NCALD: variants seen among roughly 807,000 people sequenced by gnomAD.
NCALD encodes the protein neurocalcin delta, also known as neurocalcin-delta.
In NCALD, 10 loss-of-function variants were observed where a neutral mutation model predicts 18.6. The observed-to-expected ratio is 0.54, with a 90% CI of 0.33 to 0.91. NCALD has a LOEUF of 0.91. Among genes scored for constraint, NCALD ranks in the 40% least tolerant of loss-of-function variants. The pLI, the probability that NCALD is intolerant of heterozygous loss-of-function variation, is 0.03. For synonymous variants in NCALD, 88 were observed against 87.4 expected (o/e 1.01, Z -0.04); for missense variants, 184 against 247.6 (o/e 0.74, Z 1.72).
rs189025957 is a variant in NCALD at position 101,987,395 on chromosome 8, G to T, written c.-157+32842C>A. 2.0e-5 allele frequency among the ~76,000 whole-genome samples: 3 copies of T among 152,248 alleles called. No individual in the cohort carries two copies. The East Asian group carries it at 5.8e-4, about 29-fold the overall frequency. On this transcript the variant is annotated intron_variant, in intron 2 of 6. Coordinates refer to the NCALD transcript ENST00000311028. ...TACTTTTGTCCTCTGACTGAGAAAG[G>T]TGTGTCCATGTATGTAATATCCAAC...
intron 1 of NCALD, among the ~76,000 whole-genome samples, chr8:102,047,148 G>A (rs904023296): frequency 3.5e-5 from 5 of 143,178 alleles, no homozygotes; most frequent in African/African-American, 7.4e-5. Flanking sequence ...ACATGATCTC[G>A]TTCTTTTTAC....
intron 1 of NCALD, among the ~76,000 whole-genome samples, chr8:101,728,271 C>T (rs16868250): frequency 0.2 from 31,050 of 151,896 alleles, 3,303 homozygotes; most frequent in Admixed American, 0.28. Flanking sequence ...GATTTGCAGC[C>T]TTGCATTTCT....
intron 4 of NCALD, among the ~76,000 whole-genome samples, chr8:101,833,579 A>G (rs1762060719): frequency 6.7e-6 from 1 of 148,444 alleles, no homozygotes; most frequent in Admixed American, 6.7e-5. Context: ...TCCATGAGCA[A>G]TTAAGATGAA....
chr8:101,724,707 C>T (rs186650971), intron 1 of NCALD, among the ~76,000 whole-genome samples: 3 of 152,304 alleles, frequency 2.0e-5, no homozygotes, highest in Admixed American at 2.0e-4. Context: ...GGCAGGCAGG[C>T]TTTCTCTATC....
At chr8:101,969,987 A>G (rs1820178728) in intron 2 of NCALD, among the ~76,000 whole-genome samples, 1 of 152,172 alleles carries the variant, frequency 6.6e-6, no homozygotes, top group Non-Finnish European at 1.5e-5. Flanking sequence ...TAGCTTAGCC[A>G]TTTAGGTACA....
At chr8:101,952,230 G>A (rs527518965) in intron 2 of NCALD, among the ~76,000 whole-genome samples, 1 of 152,260 alleles carries the variant, frequency 6.6e-6, no homozygotes, top group South Asian at 2.1e-4. Flanking sequence ...AAGAATGCAA[G>A]TACAGGACTC....
intron 4 of NCALD, among the ~76,000 whole-genome samples, chr8:101,820,669 G>A (rs759022677): frequency 9.2e-5 from 14 of 152,116 alleles, no homozygotes; most frequent in South Asian, 6.2e-4. Flanking sequence ...TGCTGTAGAT[G>A]GGATAGGCTG....
At chr8:101,732,590 C>CTTTTTTTTTTTTTT (rs576286368) in intron 1 of NCALD, among the ~76,000 whole-genome samples, 4 of 53,678 alleles carry the variant, frequency 7.5e-5, no homozygotes, top group Non-Finnish European at 1.3e-4. Context: ...TTTTTCTTTG[C>CTTTTTTTTTTTTTT]TTTTTTTTTT....
chr8:101,877,280 C>T (rs984913086), intron 4 of NCALD, among the ~76,000 whole-genome samples: 2 of 152,148 alleles, frequency 1.3e-5, no homozygotes, highest in Non-Finnish European at 2.9e-5. Context: ...TAATAACAAC[C>T]CTCTGGTTTA....
intron 2 of NCALD, among the ~76,000 whole-genome samples, chr8:101,697,983 G>A (rs1433731592): frequency 1.3e-5 from 2 of 152,120 alleles, no homozygotes; most frequent in East Asian, 3.9e-4. Context: ...CAAATAAGAA[G>A]AGAGGAAATC....
At chr8:101,724,429 C>T (rs1189932156) in intron 1 of NCALD, among the ~76,000 whole-genome samples, 1 of 152,234 alleles carries the variant, frequency 6.6e-6, no homozygotes, top group Non-Finnish European at 1.5e-5. Context: ...AATAAAAATG[C>T]TTGGCTTCAA....
chr8:102,003,768 T>A (rs9656849), intron 2 of NCALD, among the ~76,000 whole-genome samples: 8 of 152,158 alleles, frequency 5.3e-5, no homozygotes, highest in East Asian at 3.9e-4. Flanking sequence ...ACAGAACCAA[T>A]GACAAAAACC....
At chr8:101,791,704 G>A (rs538479733), upstream of NCALD, among the ~76,000 whole-genome samples, 29 of 152,230 alleles carry the variant, frequency 1.9e-4, 1 homozygote, top group Non-Finnish European at 3.5e-4. Flanking sequence ...TCAAAACAGT[G>A]TTACTTTAAA....
intron 3 of NCALD, chr8:101,691,634 C>T (rs555233004): frequency 2.0e-6 from 2 of 985,344 alleles, no homozygotes; most frequent in East Asian, 2.3e-4. Flanking sequence ...CACAACTATT[C>T]ATTGTGAATC....
At chr8:101,748,483 A>G (rs894884806) in intron 1 of NCALD, among the ~76,000 whole-genome samples, 1 of 152,156 alleles carries the variant, frequency 6.6e-6, no homozygotes, top group Non-Finnish European at 1.5e-5. Context: ...GAAAGTGACA[A>G]AAGTGTGGTC....
chr8:101,786,522 G>A (rs994700153), intron 1 of NCALD, among the ~76,000 whole-genome samples: 1 of 152,182 alleles, frequency 6.6e-6, no homozygotes, highest in Non-Finnish European at 1.5e-5. Context: ...TCACAAACCT[G>A]ATCATGGTTT....
chr8:101,995,582 C>T (rs1333784386), intron 2 of NCALD, among the ~76,000 whole-genome samples: 1 of 152,070 alleles, frequency 6.6e-6, no homozygotes, highest in Non-Finnish European at 1.5e-5. Flanking sequence ...CACTTTTATA[C>T]AACCAGATCT....
At chr8:101,705,243 A>G (rs1228824025) in intron 2 of NCALD, among the ~76,000 whole-genome samples, 1 of 151,902 alleles carries the variant, frequency 6.6e-6, no homozygotes, top group East Asian at 1.9e-4. Flanking sequence ...AAATAAATAA[A>G]TAAAATTAAA....
intron 1 of NCALD, among the ~76,000 whole-genome samples, chr8:102,040,828 T>A (rs900089249): frequency 6.6e-6 from 1 of 152,182 alleles, no homozygotes; most frequent in Admixed American, 6.5e-5. Flanking sequence ...GCCAGACTCA[T>A]AAAATGACAC....
Sources: allele counts gnomAD v4.1 joint callset (sites outside exome capture counted in the v4.1 genomes callset), GRCh38; gene constraint gnomAD v4.1.1; transcripts MANE v1.5; gene names NCBI Gene and HGNC (gene_info 2026-07-23, HGNC 2026-07-21).